The following MAGI1 variants were observed in gnomAD, a reference collection of about 807,000 sequenced individuals.
The protein encoded by MAGI1 is membrane associated guanylate kinase, WW and PDZ domain containing 1, also known as membrane-associated guanylate kinase, WW and PDZ domain-containing protein 1.
Under a neutral mutation model 139.9 loss-of-function variants are expected in MAGI1, and 58 were observed. The observed-to-expected ratio is 0.41, with a 90% CI of 0.34 to 0.52. The LOEUF (loss-of-function observed/expected upper bound fraction) is 0.52, where lower values mean the gene tolerates loss of function less well. Among genes scored for constraint, MAGI1 ranks in the 20% least tolerant of loss-of-function variants. The probability of loss-of-function intolerance (pLI) is 0.12; values close to 1 mark genes in which losing one functional copy is unlikely to be tolerated. For missense variants in MAGI1, 1,874 were observed against 1,901.6 expected (o/e 0.99, Z 0.27); for synonymous variants, 812 against 737.9 (o/e 1.10, Z -1.63).
chr3:65,811,123 C>G (rs887866599), intron 1 of MAGI1, among the ~76,000 whole-genome samples: 2 of 152,162 alleles, frequency 1.3e-5, no homozygotes, highest in African/African-American at 4.8e-5. Flanking sequence ...AGTATGTATA[C>G]AGAAAAGCCA....
chr3:65,356,305 T>G lies in MAGI1; in HGVS notation c.*73A>C. On this transcript the variant is annotated 3_prime_UTR_variant, in exon 23 of 23. Transcript: ENST00000402939. ...TCAGATGCTTCATTAGGTAAGAAAC[T>G]AAATAATTTCAGGTTTGTGACTTTC... is the stretch of plus-strand genomic sequence containing the variant. 2.1e-6 allele frequency: 3 copies of G among 1,449,626 alleles called. No individual in the cohort carries two copies. Among genetic ancestry groups the G allele is most frequent in the South Asian group, 2.8e-5 (2 of 70,702 alleles). The allele number at this position is 1,449,626 out of a possible 1,614,324, so 89.8% of individuals were successfully genotyped here.
intron 1 of MAGI1, chr3:65,718,680 A>G (rs573847732): frequency 1.3e-5 from 2 of 152,320 alleles, no homozygotes; most frequent in Admixed American, 1.3e-4. Context: ...GGATTCACGT[A>G]CAAATATGTG....
intron 2 of MAGI1, among the ~76,000 whole-genome samples, chr3:65,607,525 T>C (rs918025416): frequency 1.3e-5 from 2 of 152,022 alleles, no homozygotes; most frequent in Non-Finnish European, 2.9e-5. Flanking sequence ...CCCTTTAAAA[T>C]AGGCATTGTT....
intron 1 of MAGI1, among the ~76,000 whole-genome samples, chr3:65,728,168 A>G (rs1651005316): frequency 6.6e-6 from 1 of 152,236 alleles, no homozygotes; most frequent in Admixed American, 6.5e-5. Context: ...GTCTGGGACC[A>G]TGAGAAGGCA....
intron 20 of MAGI1, among the ~76,000 whole-genome samples, 156 bp downstream of exon 20, chr3:65,364,509 T>G (rs1308255833): frequency 6.6e-6 from 1 of 152,208 alleles, no homozygotes; most frequent in Non-Finnish European, 1.5e-5. Context: ...TGTTATTTCC[T>G]AGACAATCAA....
chr3:66,019,964 A>G (rs914016335), intron 1 of MAGI1, among the ~76,000 whole-genome samples: 1 of 152,192 alleles, frequency 6.6e-6, no homozygotes, highest in Non-Finnish European at 1.5e-5. Flanking sequence ...CAAAAGGCCC[A>G]GATAAGGACT....
intron 2 of MAGI1, among the ~76,000 whole-genome samples, chr3:65,553,458 C>G (rs1227737407): frequency 6.6e-6 from 1 of 152,112 alleles, no homozygotes; most frequent in Non-Finnish European, 1.5e-5. Context: ...TTTATTCAGT[C>G]AACACATTTT....
At chr3:65,639,929 G>A (rs62244999) in intron 1 of MAGI1, among the ~76,000 whole-genome samples, 24,891 of 150,954 alleles carry the variant, frequency 0.16, 2,706 homozygotes, top group Non-Finnish European at 0.25. Flanking sequence ...TTGAACCCAG[G>A]AAGCAGAGGT....
intron 1 of MAGI1, among the ~76,000 whole-genome samples, chr3:65,958,904 T>C (rs2064267697): frequency 6.6e-6 from 1 of 152,080 alleles, no homozygotes; most frequent in African/African-American, 2.4e-5. Flanking sequence ...CGAGAATCGT[T>C]TGAACCCCGA....
At chr3:65,470,516 AG>A in intron 4 of MAGI1, 32 bp from the exon 5 acceptor site, 7 of 1,389,804 alleles carry the variant, frequency 5.0e-6, no homozygotes, top group African/African-American at 4.7e-5. Flanking sequence ...TGAGAGAGAG[AG>A]AGAGAGAAAA....
chr3:65,657,221 C>G (rs1468634926), intron 1 of MAGI1, among the ~76,000 whole-genome samples: 1 of 151,794 alleles, frequency 6.6e-6, no homozygotes, highest in East Asian at 1.9e-4. Flanking sequence ...GTGTCTTACC[C>G]AAGGAGATAC....
At chr3:65,972,765 G>A (rs943904938) in intron 1 of MAGI1, among the ~76,000 whole-genome samples, 5 of 152,180 alleles carry the variant, frequency 3.3e-5, no homozygotes, top group Admixed American at 6.5e-5. Flanking sequence ...GCACATATAC[G>A]CATACACTTA....
chr3:65,733,061 G>T (rs1424989339), intron 1 of MAGI1, among the ~76,000 whole-genome samples: 1 of 151,154 alleles, frequency 6.6e-6, no homozygotes, highest in Non-Finnish European at 1.5e-5. Context: ...TTTTGTTTTT[G>T]TTTGTTTTTT....
chr3:65,402,638 T>A (rs1945000913), intron 12 of MAGI1, among the ~76,000 whole-genome samples: 1 of 151,870 alleles, frequency 6.6e-6, no homozygotes, highest in Admixed American at 6.6e-5. Flanking sequence ...TCCTAGGGAG[T>A]GTGACGATCT....
intron 1 of MAGI1, chr3:65,688,375 G>A: frequency 1.7e-6 from 1 of 599,920 alleles, no homozygotes; most frequent in South Asian, 1.5e-5. Flanking sequence ...AAGGCTTACA[G>A]TAGTCATTAG....
intron 1 of MAGI1, among the ~76,000 whole-genome samples, chr3:65,978,827 A>T (rs1274370807): frequency 1.3e-5 from 2 of 151,804 alleles, no homozygotes; most frequent in Non-Finnish European, 2.9e-5. Flanking sequence ...GGGTCTCATC[A>T]TGTTGGCCAG....
intron 1 of MAGI1, among the ~76,000 whole-genome samples, chr3:65,904,397 G>C (rs1285733712): frequency 6.6e-6 from 1 of 152,170 alleles, no homozygotes; most frequent in Non-Finnish European, 1.5e-5. Flanking sequence ...TGGGTGACAG[G>C]AAACTTGGTT....
chr3:65,884,417 G>GCTT (rs1276366878), intron 1 of MAGI1, among the ~76,000 whole-genome samples: 1 of 152,256 alleles, frequency 6.6e-6, no homozygotes, highest in East Asian at 1.9e-4. Flanking sequence ...AAACACACAA[G>GCTT]ATAGGTGAAC....
intron 2 of MAGI1, among the ~76,000 whole-genome samples, chr3:65,597,285 A>G (rs945036427): frequency 2.9e-5 from 2 of 68,230 alleles, no homozygotes; most frequent in African/African-American, 1.2e-4. Flanking sequence ...GTCCCCATTC[A>G]GCCGAGCCCC....
Sources: allele counts gnomAD v4.1 joint callset (sites outside exome capture counted in the v4.1 genomes callset), GRCh38; gene constraint gnomAD v4.1.1; transcripts MANE v1.5; gene names NCBI Gene and HGNC (gene_info 2026-07-23, HGNC 2026-07-21).